NCOA2: variants seen among roughly 807,000 people sequenced by gnomAD.
NCOA2 encodes the protein nuclear receptor coactivator 2.
Under a neutral mutation model 145.1 loss-of-function variants are expected in NCOA2, and 21 were observed. The ratio of observed to expected loss-of-function variants is 0.14; its 90% CI spans 0.10 to 0.21. The LOEUF (loss-of-function observed/expected upper bound fraction) is 0.21. Among genes scored for constraint, NCOA2 ranks in the 10% least tolerant of loss-of-function variants. The pLI, the probability that NCOA2 is intolerant of heterozygous loss-of-function variation, is 1.00. For missense variants in NCOA2, 1,472 were observed against 1,837.6 expected (o/e 0.80, Z 3.64); for synonymous variants, 619 against 637.5 (o/e 0.97, Z 0.44).
chr8:70,384,113 A>G (rs761211388), intron 1 of NCOA2, among the ~76,000 whole-genome samples: 17 of 152,200 alleles, frequency 1.1e-4, no homozygotes, highest in Non-Finnish European at 2.5e-4. Context: ...ACTTATCCCT[A>G]TGGAAAAGAG....
At chr8:70,368,598 T>A (rs1197467722) in intron 1 of NCOA2, among the ~76,000 whole-genome samples, 3 of 152,216 alleles carry the variant, frequency 2.0e-5, no homozygotes, top group Non-Finnish European at 2.9e-5. Flanking sequence ...ATTTTTCTTA[T>A]AAAACAGCTT....
chr8:70,191,492 G>C (rs72663943), intron 4 of NCOA2, among the ~76,000 whole-genome samples: 99 of 152,306 alleles, frequency 6.5e-4, no homozygotes, highest in Admixed American at 2.0e-3. Flanking sequence ...CTCTGGCATA[G>C]GGAGCTCCTA....
chr8:70,247,166 T>A (rs1440916422), intron 2 of NCOA2, among the ~76,000 whole-genome samples: 2 of 152,114 alleles, frequency 1.3e-5, no homozygotes, highest in African/African-American at 4.8e-5. Context: ...CCATGGCCAC[T>A]CTGGAAGACA....
At chr8:70,355,252 AAC>A (rs1809579121) in intron 1 of NCOA2, among the ~76,000 whole-genome samples, 2 of 152,338 alleles carry the variant, frequency 1.3e-5, no homozygotes, top group Admixed American at 1.3e-4. Context: ...AGTTAATAAA[AAC>A]ACACAAACAT....
intron 4 of NCOA2, among the ~76,000 whole-genome samples, chr8:70,195,319 A>G (rs540995764): frequency 6.6e-6 from 1 of 152,358 alleles, no homozygotes; most frequent in East Asian, 1.9e-4. Context: ...GAATATTTAC[A>G]TAGAATGAGA....
chr8:70,185,208 T>C (rs1815923529), intron 4 of NCOA2, among the ~76,000 whole-genome samples: 1 of 152,164 alleles, frequency 6.6e-6, no homozygotes, highest in South Asian at 2.1e-4. Context: ...CTTACTACCG[T>C]CTATTCCCAG....
At chr8:70,185,558 G>C (rs1430460392) in intron 4 of NCOA2, among the ~76,000 whole-genome samples, 1 of 152,198 alleles carries the variant, frequency 6.6e-6, no homozygotes, top group Non-Finnish European at 1.5e-5. Context: ...TGTAAGGCGA[G>C]TGCAGGCTGC....
In NCOA2 at chr8:70,295,011, T is replaced by C. The variant is rs16936885; in HGVS notation, c.-20+1733A>G. On this transcript the variant is annotated intron_variant, in intron 2 of 22. Coordinates refer to ENST00000452400, the MANE Select transcript of NCOA2 (RefSeq NM_006540.4). ...TAAAGGTCAGACTTAATTCCTTCTA[T>C]AAATGAAAAATCCTGATGGCAGAAA... is the stretch of plus-strand genomic sequence containing the variant. Among the ~76,000 whole-genome samples, 594 of 152,178 alleles carry C rather than the reference T, an allele frequency of 3.9e-3. 10 individuals carry two copies. Among genetic ancestry groups the C allele is most frequent in the African/African-American group, 0.014 (570 of 41,536 alleles).
the NCOA2 span, among the ~76,000 whole-genome samples, chr8:70,442,036 AG>A: frequency 0.018 from 2,615 of 149,286 alleles, 88 homozygotes; most frequent in African/African-American, 0.061. Context: ...GAGAAAAGAA[AG>A]AGAAAGAGAA....
At chr8:70,411,481 T>C in the NCOA2 span, among the ~76,000 whole-genome samples, 1 of 152,028 alleles carries the variant, frequency 6.6e-6, no homozygotes, top group South Asian at 2.1e-4. Context: ...AATTAGAAAA[T>C]GAAAATTTGG....
chr8:70,178,613 G>A (rs370863981), intron 4 of NCOA2, among the ~76,000 whole-genome samples: 34 of 152,136 alleles, frequency 2.2e-4, no homozygotes, highest in Admixed American at 6.6e-4. Flanking sequence ...CTCGTCTGCC[G>A]AGGGCTCACC....
At position 70,166,572 on chromosome 8, in the gene NCOA2, C is replaced by T; in HGVS notation, c.724G>A (p.Gly242Arg). The change falls in exon 7 of 23, where the codon GGA (glycine) becomes AGA (arginine). Residue 242 changes from glycine (G) to arginine (R), a missense_variant. Gly to Arg is a moderately radical substitution (Grantham distance 125). Transcript: ENST00000452400. Reference protein sequence around the residue: ...VSQPKSIKEEGEDLQSCLICV... With the variant: ...VSQPKSIKEEREDLQSCLICV... The stretch of plus-strand genomic sequence containing the variant: ...CCTAGGGATTCTGTCCCACCTTCTC[C>T]TTCTTCTTTGATGGACTTTGGTTGA... The T allele has an allele frequency of 3.1e-6, 5 of 1,614,012 alleles. No homozygotes were observed. The highest frequency in any genetic ancestry group is 4.2e-6 in the Non-Finnish European group (5 of 1,179,866).
At chr8:70,345,407 A>G (rs1210083573) in intron 1 of NCOA2, among the ~76,000 whole-genome samples, 1 of 152,326 alleles carries the variant, frequency 6.6e-6, no homozygotes, top group East Asian at 1.9e-4. Context: ...AACTGACCCA[A>G]TATGTACTAT....
chr8:70,450,244 C>G, the NCOA2 span, among the ~76,000 whole-genome samples: 2 of 152,164 alleles, frequency 1.3e-5, no homozygotes, highest in Non-Finnish European at 2.9e-5. Context: ...CAAAACTAAC[C>G]CTCAATGTGA....
intron 4 of NCOA2, among the ~76,000 whole-genome samples, chr8:70,199,451 CAA>C (rs1181856736): frequency 2.6e-4 from 20 of 76,082 alleles, no homozygotes; most frequent in South Asian, 1.4e-3. Context: ...GACTCCATCT[CAA>C]AAAAAAAAAA....
chr8:70,414,533 C>T, the NCOA2 span, among the ~76,000 whole-genome samples: 1 of 152,170 alleles, frequency 6.6e-6, no homozygotes, highest in Admixed American at 6.5e-5. Context: ...CAAGGTGCCC[C>T]ATCTTCATCT....
At chr8:70,234,622 T>C (rs1231933002) in intron 2 of NCOA2, among the ~76,000 whole-genome samples, 1 of 152,210 alleles carries the variant, frequency 6.6e-6, no homozygotes, top group East Asian at 1.9e-4. Flanking sequence ...AATAACAATA[T>C]TGAGCATCTT....
chr8:70,359,216 A>G (rs1233566529), intron 1 of NCOA2, among the ~76,000 whole-genome samples: 2 of 152,224 alleles, frequency 1.3e-5, no homozygotes, highest in African/African-American at 2.4e-5. Context: ...TAACCCAGCA[A>G]TTCCACTCCT....
At chr8:70,440,388 A>C in the NCOA2 span, among the ~76,000 whole-genome samples, 1 of 152,170 alleles carries the variant, frequency 6.6e-6, no homozygotes, top group African/African-American at 2.4e-5. Flanking sequence ...GCCTGGCCAA[A>C]ATGGTAAAAC....
Sources: allele counts gnomAD v4.1 joint callset (sites outside exome capture counted in the v4.1 genomes callset), GRCh38; gene constraint gnomAD v4.1.1; transcripts MANE v1.5; gene names NCBI Gene and HGNC (gene_info 2026-07-23, HGNC 2026-07-21).